Variants in CFAP20DC observed in about 807,000 individuals in gnomAD.
CFAP20DC encodes the protein protein CFAP20DC.
In CFAP20DC, 84 loss-of-function variants were observed where a neutral mutation model predicts 101.7. That is an observed-to-expected ratio of 0.83 (90% CI 0.69 to 0.99). The LOEUF (loss-of-function observed/expected upper bound fraction) is 0.99. Among genes scored for constraint, CFAP20DC ranks in the 50% least tolerant of loss-of-function variants. The pLI, the probability that CFAP20DC is intolerant of heterozygous loss-of-function variation, is 0.00. For missense variants in CFAP20DC, 1,007 were observed against 970.3 expected (o/e 1.04, Z -0.50); for synonymous variants, 359 against 351.2 (o/e 1.02, Z -0.25).
downstream of CFAP20DC, among the ~76,000 whole-genome samples, chr3:58,716,470 AGAT>A (rs1467705446): frequency 6.7e-6 from 1 of 150,168 alleles, no homozygotes; most frequent in Non-Finnish European, 1.5e-5. Flanking sequence ...GCCTGCAGTC[AGAT>A]AATTTTTAAC....
At chr3:58,903,608 A>T (rs535436450) in intron 6 of CFAP20DC, among the ~76,000 whole-genome samples, 2 of 152,184 alleles carry the variant, frequency 1.3e-5, no homozygotes, top group Non-Finnish European at 2.9e-5. Context: ...TCTTCTTCAT[A>T]AAGCAGCAGG....
intron 6 of CFAP20DC, among the ~76,000 whole-genome samples, chr3:58,900,337 T>C (rs1189698083): frequency 6.6e-6 from 1 of 152,218 alleles, no homozygotes; most frequent in African/African-American, 2.4e-5. Context: ...CTGGACTAGA[T>C]TAAATGCAGC....
At chr3:59,043,879 G>A (rs1187397697) in intron 3 of CFAP20DC, among the ~76,000 whole-genome samples, 2 of 152,274 alleles carry the variant, frequency 1.3e-5, no homozygotes, top group South Asian at 4.1e-4. Flanking sequence ...AATTGTCATA[G>A]TTTCATAGTA....
chr3:58,817,595 G>T (rs1351424097), intron 14 of CFAP20DC, among the ~76,000 whole-genome samples: 3 of 143,374 alleles, frequency 2.1e-5, no homozygotes, highest in South Asian at 2.4e-4. Flanking sequence ...AGAGAAAAAA[G>T]AATAAAAAGA....
chr3:58,866,721 T>A, intron 10 of CFAP20DC, 33 bp from the exon 11 acceptor site: 1 of 1,369,798 alleles, frequency 7.3e-7, no homozygotes, highest in Non-Finnish European at 1.0e-6. Context: ...CCTCTATTAC[T>A]TCTTTTGAAA....
intron 4 of CFAP20DC, among the ~76,000 whole-genome samples, chr3:59,034,197 A>C (rs779792136): frequency 6.6e-6 from 1 of 152,224 alleles, no homozygotes; most frequent in East Asian, 1.9e-4. Context: ...TCAAGGAAGC[A>C]CTAAATATGA....
intron 3 of CFAP20DC, among the ~76,000 whole-genome samples, chr3:58,723,092 C>T (rs920597593): frequency 1.6e-4 from 24 of 152,220 alleles, no homozygotes; most frequent in African/African-American, 5.3e-4. Context: ...CAAATGTTCA[C>T]TTTTGTGCTC....
intron 4 of CFAP20DC, among the ~76,000 whole-genome samples, chr3:58,967,423 T>G (rs2091642422): frequency 6.6e-6 from 1 of 152,228 alleles, no homozygotes; most frequent in South Asian, 2.1e-4. Flanking sequence ...TAGAATAAAA[T>G]AAGTGAAAAT....
intron 6 of CFAP20DC, among the ~76,000 whole-genome samples, chr3:58,911,518 G>A (rs2084151271): frequency 6.6e-6 from 1 of 152,000 alleles, no homozygotes; most frequent in Non-Finnish European, 1.5e-5. Flanking sequence ...CTGGGTGGTG[G>A]TTACAGAAAT....
intron 14 of CFAP20DC, among the ~76,000 whole-genome samples, chr3:58,822,599 A>G (rs1047044923): frequency 2.0e-5 from 3 of 152,062 alleles, no homozygotes; most frequent in Non-Finnish European, 4.4e-5. Flanking sequence ...AAAAAAAAAA[A>G]GACTATACAG....
chr3:58,906,303 A>G (rs1213452208), intron 6 of CFAP20DC, among the ~76,000 whole-genome samples: 2 of 152,172 alleles, frequency 1.3e-5, no homozygotes, highest in Non-Finnish European at 2.9e-5. Context: ...AATTTGTCCT[A>G]TACTATGTTA....
intron 4 of CFAP20DC, among the ~76,000 whole-genome samples, chr3:59,024,576 C>T (rs2093860044): frequency 6.6e-6 from 1 of 151,858 alleles, no homozygotes; most frequent in Non-Finnish European, 1.5e-5. Flanking sequence ...TCTATGAATC[C>T]AAAGAGTCTG....
At chr3:58,902,018 G>C (rs1433066127) in intron 6 of CFAP20DC, among the ~76,000 whole-genome samples, 1 of 152,154 alleles carries the variant, frequency 6.6e-6, no homozygotes, top group African/African-American at 2.4e-5. Context: ...TACATTATGT[G>C]ACCTTTTTTT....
intron 3 of CFAP20DC, among the ~76,000 whole-genome samples, chr3:58,735,348 G>A (rs2067727613): frequency 6.6e-6 from 1 of 152,222 alleles, no homozygotes; most frequent in Non-Finnish European, 1.5e-5. Flanking sequence ...AATAGGTCAT[G>A]TTTTCCATTC....
At chr3:58,955,362 C>T (rs188037246) in intron 4 of CFAP20DC, among the ~76,000 whole-genome samples, 24 of 152,256 alleles carry the variant, frequency 1.6e-4, no homozygotes, top group Admixed American at 1.5e-3. Flanking sequence ...CCCCCATGTT[C>T]GGTTGTGGCA....
chr3:58,753,403 C>T (rs2068708695), intron 16 of CFAP20DC, among the ~76,000 whole-genome samples: 3 of 152,240 alleles, frequency 2.0e-5, no homozygotes, highest in African/African-American at 4.8e-5. Context: ...CGGGGAGGCA[C>T]TAACTATTAT....
chr3:58,769,310 G>C (rs1456069129), intron 15 of CFAP20DC, among the ~76,000 whole-genome samples: 1 of 152,222 alleles, frequency 6.6e-6, no homozygotes, highest in African/African-American at 2.4e-5. Context: ...TGGACAGAGA[G>C]CAGCATGAAG....
chr3:58,854,697 C>G (rs1175886308), intron 12 of CFAP20DC, among the ~76,000 whole-genome samples: 1 of 151,836 alleles, frequency 6.6e-6, no homozygotes, highest in Non-Finnish European at 1.5e-5. Context: ...CTACAACTAT[C>G]TGATCTTTGA....
At chr3:58,764,254 C>T (rs1053645361) in intron 15 of CFAP20DC, among the ~76,000 whole-genome samples, 12 of 152,186 alleles carry the variant, frequency 7.9e-5, no homozygotes, top group African/African-American at 2.7e-4. Context: ...CCTCCTCCAG[C>T]CTTGCTGCCA....
Sources: allele counts gnomAD v4.1 joint callset (sites outside exome capture counted in the v4.1 genomes callset), GRCh38; gene constraint gnomAD v4.1.1; transcripts MANE v1.5; gene names NCBI Gene and HGNC (gene_info 2026-07-23, HGNC 2026-07-21).